The following GABRA3 variants were observed in gnomAD, a reference collection of about 807,000 sequenced individuals.
GABRA3 encodes gamma-aminobutyric acid type A receptor subunit alpha3.
Under a neutral mutation model 30.1 loss-of-function variants are expected in GABRA3, and 10 were observed. The observed-to-expected ratio is 0.33, with a 90% CI of 0.20 to 0.56. The LOEUF (loss-of-function observed/expected upper bound fraction) is 0.56. Ranked by LOEUF, GABRA3 falls within the 20% of genes least tolerant of loss-of-function variation. The pLI is 0.89. For synonymous variants in GABRA3, 151 were observed against 146.8 expected, an observed-to-expected ratio of 1.03 and a Z score of -0.21; for missense variants, 233 against 392.0, an observed-to-expected ratio of 0.59 and a Z score of 3.42.
chrX:152,261,630 C>T (rs748604086), intron 4 of GABRA3, among the ~76,000 whole-genome samples: 1 of 112,784 alleles, frequency 8.9e-6, no homozygotes, highest in East Asian at 2.8e-4. Context: ...CATGCTGATG[C>T]AAGAGGTGGA....
intron 3 of GABRA3, among the ~76,000 whole-genome samples, chrX:152,288,052 A>T (rs1939329000): frequency 8.9e-6 from 1 of 112,223 alleles, no homozygotes; most frequent in South Asian, 3.7e-4. Context: ...ATTTGCATCA[A>T]CCAGAAATCC....
intron 3 of GABRA3, among the ~76,000 whole-genome samples, chrX:152,322,552 A>G (rs1482558035): frequency 1.9e-5 from 2 of 103,611 alleles, no homozygotes; most frequent in Admixed American, 1.0e-4. Context: ...TTTTTTTTTG[A>G]GATGGAGTTT....
At chrX:152,376,490 C>T (rs954359016) in intron 1 of GABRA3, among the ~76,000 whole-genome samples, 1 of 111,024 alleles carries the variant, frequency 9.0e-6, no homozygotes, top group African/African-American at 3.3e-5. Flanking sequence ...TCAACCTAAG[C>T]TCCTGACCTC....
chrX:152,294,213 A>C (rs113549088), intron 3 of GABRA3, among the ~76,000 whole-genome samples: 4 of 111,405 alleles, frequency 3.6e-5, no homozygotes, highest in African/African-American at 6.5e-5. Context: ...TAATATCCTG[A>C]AGAGTGTTTT....
intron 8 of GABRA3, among the ~76,000 whole-genome samples, chrX:152,190,954 C>T (rs935600635): frequency 9.2e-6 from 1 of 108,605 alleles, no homozygotes; most frequent in Non-Finnish European, 1.9e-5. Flanking sequence ...AACTGAGCAA[C>T]CTCACCTACT....
intron 1 of GABRA3, among the ~76,000 whole-genome samples, chrX:152,391,310 T>C (rs925530330): frequency 8.9e-6 from 1 of 112,012 alleles, no homozygotes; most frequent in Non-Finnish European, 1.9e-5. Flanking sequence ...ACACAATATA[T>C]GAGCAGAAAT....
intron 1 of GABRA3, among the ~76,000 whole-genome samples, chrX:152,374,983 G>A (rs1334300991): frequency 2.7e-5 from 3 of 111,046 alleles, no homozygotes; most frequent in Admixed American, 9.6e-5. Flanking sequence ...TCTCTTTTCT[G>A]TTCCATTGGT....
intron 5 of GABRA3, among the ~76,000 whole-genome samples, chrX:152,232,465 C>T (rs1000930406): frequency 2.7e-5 from 3 of 109,908 alleles, no homozygotes; most frequent in Non-Finnish European, 5.7e-5. Flanking sequence ...CTCTCTATGT[C>T]GATGTGTATA....
intron 1 of GABRA3, among the ~76,000 whole-genome samples, chrX:152,428,325 C>T (rs761258093): frequency 8.9e-6 from 1 of 112,010 alleles, no homozygotes; most frequent in African/African-American, 3.2e-5. Flanking sequence ...GGCGTCCCTC[C>T]TCTCATCCAA....
chrX:152,267,339 T>C (rs1372486064), intron 4 of GABRA3, among the ~76,000 whole-genome samples: 1 of 112,229 alleles, frequency 8.9e-6, no homozygotes, highest in Non-Finnish European at 1.9e-5. Context: ...TGTTGAACCA[T>C]TCTTGCATTC....
intron 4 of GABRA3, among the ~76,000 whole-genome samples, chrX:152,259,839 C>T (rs1282895212): frequency 1.8e-5 from 2 of 110,076 alleles, no homozygotes; most frequent in African/African-American, 3.3e-5. Context: ...TAGACGCTTT[C>T]TGCTTGAAAA....
At chrX:152,231,814 T>C (rs763504580) in intron 5 of GABRA3, among the ~76,000 whole-genome samples, 39 of 111,893 alleles carry the variant, frequency 3.5e-4, no homozygotes, top group African/African-American at 1.2e-3. Flanking sequence ...ATCTATACAA[T>C]GGAATGTTAA....
At chrX:152,215,615 A>C (rs924707758) in intron 6 of GABRA3, among the ~76,000 whole-genome samples, 1 of 111,536 alleles carries the variant, frequency 9.0e-6, no homozygotes, top group Non-Finnish European at 1.9e-5. Flanking sequence ...TTAATGACTT[A>C]AATGTAAAAC....
At chrX:152,329,489 C>T (rs9698088) in intron 3 of GABRA3, among the ~76,000 whole-genome samples, 1 of 111,468 alleles carries the variant, frequency 9.0e-6, no homozygotes, top group African/African-American at 3.3e-5. Context: ...GTACTGGTAT[C>T]AAAACAGAGA....
At chrX:152,241,246 A>T (rs1452767958) in intron 5 of GABRA3, among the ~76,000 whole-genome samples, 3 of 95,978 alleles carry the variant, frequency 3.1e-5, no homozygotes, top group Non-Finnish European at 6.7e-5. Context: ...GGTCTGTTGG[A>T]ATACCCTGCA....
intron 4 of GABRA3, among the ~76,000 whole-genome samples, chrX:152,257,835 G>A (rs1938662573): frequency 8.9e-6 from 1 of 112,211 alleles, no homozygotes; most frequent in Non-Finnish European, 1.9e-5. Flanking sequence ...CTACTGAAAT[G>A]TAGCAACCTC....
At chrX:152,238,707 C>G (rs1355896078) in intron 5 of GABRA3, among the ~76,000 whole-genome samples, 14 of 108,058 alleles carry the variant, frequency 1.3e-4, no homozygotes, top group African/African-American at 3.7e-4. Context: ...CAACTTCTTC[C>G]TGGTTTAGTC....
At chrX:152,305,789 C>G (rs777404927) in intron 3 of GABRA3, among the ~76,000 whole-genome samples, 1 of 110,495 alleles carries the variant, frequency 9.1e-6, no homozygotes, top group African/African-American at 3.3e-5. Context: ...TGAAAATAAG[C>G]ACAAATACTC....
chrX:152,308,973 T>C (rs754947711), intron 3 of GABRA3, among the ~76,000 whole-genome samples: 3 of 112,444 alleles, frequency 2.7e-5, no homozygotes, highest in Admixed American at 1.9e-4. Context: ...AAAAACTCAC[T>C]GTAAGAATTT....
Sources: allele counts gnomAD v4.1 joint callset (sites outside exome capture counted in the v4.1 genomes callset), GRCh38; gene constraint gnomAD v4.1.1; transcripts MANE v1.5; gene names NCBI Gene and HGNC (gene_info 2026-07-23, HGNC 2026-07-21).